The following TTLL4 variants were observed in gnomAD, a reference collection of about 807,000 sequenced individuals.
TTLL4 encodes tubulin tyrosine ligase like 4, also known as tubulin monoglutamylase TTLL4.
A neutral mutation model predicts 122.7 loss-of-function variants in TTLL4; 85 were observed. The ratio of observed to expected loss-of-function variants is 0.69; its 90% CI spans 0.58 to 0.83. The LOEUF (loss-of-function observed/expected upper bound fraction) is 0.83, where lower values mean the gene tolerates loss of function less well. Among genes scored for constraint, TTLL4 ranks in the 40% least tolerant of loss-of-function variants. The pLI, the probability that TTLL4 is intolerant of heterozygous loss-of-function variation, is 0.00. For missense variants in TTLL4, 1,363 were observed against 1,488.6 expected (o/e 0.92, Z 1.39); for synonymous variants, 553 against 563.0 (o/e 0.98, Z 0.25).
chr2:218,751,746 G>A lies in TTLL4; in HGVS notation c.2916G>A (p.Glu972=), dbSNP rs1559375279. 1 of 1,613,746 alleles carries A rather than the reference G, an allele frequency of 6.2e-7. No homozygotes were observed. The highest frequency in any genetic ancestry group is 2.2e-5 in the East Asian group (1 of 44,870). Residue 972 remains glutamate (E), a synonymous_variant, in exon 16 of 20, where the codon GAG becomes GAA. Transcript: ENST00000392102. ...SPGDKCRMAP[E]HVTAQKMKKA... is the part of the protein sequence containing the mutation. ...GGGACAAATGTCGAATGGCTCCAGA[G>A]CATGTCACTGCACAGAAGATGAAGA...
At chr2:218,733,541 T>G (rs2106423057) in intron 2 of TTLL4, among the ~76,000 whole-genome samples, 1 of 152,278 alleles carries the variant, frequency 6.6e-6, no homozygotes, top group South Asian at 2.1e-4. Flanking sequence ...ACATGAGATT[T>G]GGTGGGGACA....
intron 6 of TTLL4, 87 bp downstream of exon 6, chr2:218,745,320 G>A: frequency 6.4e-7 from 1 of 1,571,932 alleles, no homozygotes. Flanking sequence ...GTAGGTAGGA[G>A]AGGGTTTCCA....
rs765496975 is a variant in TTLL4 at position 218,753,567 on chromosome 2, G to A, written c.3259-17G>A. Reference sequence around the variant, plus strand: ...CTCCGCCAAGCCTTTTGGTCTCATTGCTTCCTTTGCTCTTAGTGGTCTCTC... The same window carrying A: ...CTCCGCCAAGCCTTTTGGTCTCATTACTTCCTTTGCTCTTAGTGGTCTCTC... On this transcript the variant is annotated splice_polypyrimidine_tract_variant and intron_variant, in intron 18 of 19. Transcript: ENST00000392102. 5 of 1,613,738 alleles carry A rather than the reference G, an allele frequency of 3.1e-6. No homozygotes were observed. Among genetic ancestry groups the A allele is most frequent in the Non-Finnish European group, 4.2e-6 (5 of 1,179,838 alleles).
At chr2:218,742,687 A>T (rs1437990375) in intron 5 of TTLL4, among the ~76,000 whole-genome samples, 1 of 152,170 alleles carries the variant, frequency 6.6e-6, no homozygotes, top group African/African-American at 2.4e-5. Flanking sequence ...ATATTGAGAT[A>T]ATTATAGATT....
chr2:218,732,820 G>C (rs1000884031), intron 2 of TTLL4, among the ~76,000 whole-genome samples: 1 of 152,174 alleles, frequency 6.6e-6, no homozygotes, highest in African/African-American at 2.4e-5. Flanking sequence ...TTGAGGTTTT[G>C]ATCTCATCAG....
chr2:218,751,869 CA>C, intron 16 of TTLL4, 63 bp downstream of exon 16: 1 of 1,020,116 alleles, frequency 9.8e-7, no homozygotes, highest in Non-Finnish European at 1.4e-6. Flanking sequence ...ATTTGGGACC[CA>C]AAAGCAAACA....
chr2:218,713,605 C>T (rs2106381917), intron 1 of TTLL4, among the ~76,000 whole-genome samples: 1 of 152,220 alleles, frequency 6.6e-6, no homozygotes, highest in Non-Finnish European at 1.5e-5. Context: ...ATGTAAGGAA[C>T]ACATAGTTTT....
In TTLL4 at chr2:218,738,961, A is replaced by G. The variant is rs1363062679; in HGVS notation, c.1285A>G (p.Ser429Gly). ...ISIHLLASHA[S>G]GLNHNPACES... ...CATTCACCTCCTTGCCTCACATGCC[A>G]GTGGGCTCAATCACAACCCTGCCTG... Residue 429 changes from serine (S) to glycine (G), a missense_variant, in exon 3 of 20, where the codon AGT (serine) becomes GGT (glycine). Physicochemically the swap from Ser to Gly is moderately conservative, Grantham distance 56. Transcript: ENST00000392102. 1 of 1,614,082 alleles carries G rather than the reference A, an allele frequency of 6.2e-7. No homozygotes were observed. Among genetic ancestry groups the G allele is most frequent in the Non-Finnish European group, 8.5e-7 (1 of 1,180,040 alleles).
intron 2 of TTLL4, among the ~76,000 whole-genome samples, chr2:218,733,689 C>G (rs1261200573): frequency 6.6e-6 from 1 of 152,178 alleles, no homozygotes; most frequent in Non-Finnish European, 1.5e-5. Flanking sequence ...TTGTTTAACA[C>G]TTTGTCTGGG....
intron 16 of TTLL4, among the ~76,000 whole-genome samples, chr2:218,752,190 G>A (rs1355744667): frequency 6.6e-6 from 1 of 152,192 alleles, no homozygotes; most frequent in Non-Finnish European, 1.5e-5. Flanking sequence ...TTACAGGCGT[G>A]AGCCACCACG....
intron 2 of TTLL4, among the ~76,000 whole-genome samples, chr2:218,732,747 T>C (rs1019058498): frequency 7.2e-5 from 11 of 152,202 alleles, no homozygotes; most frequent in African/African-American, 2.7e-4. Flanking sequence ...CCTGTGGCAG[T>C]GATTGGGGGT....
At chr2:218,752,686 G>A in intron 16 of TTLL4, 77 bp from the exon 17 acceptor site, 1 of 1,534,882 alleles carries the variant, frequency 6.5e-7, no homozygotes, top group Non-Finnish European at 9.0e-7. Context: ...TGTGCTCCCT[G>A]TTCCCCAGCT....
intron 2 of TTLL4, among the ~76,000 whole-genome samples, chr2:218,733,768 T>A (rs952574876): frequency 6.6e-6 from 1 of 152,222 alleles, no homozygotes; most frequent in African/African-American, 2.4e-5. Flanking sequence ...TCTTTTGGAT[T>A]AAAAGCCAAG....
At chr2:218,718,093 A>G (rs1418120851) in intron 1 of TTLL4, among the ~76,000 whole-genome samples, 1 of 152,184 alleles carries the variant, frequency 6.6e-6, no homozygotes, top group Non-Finnish European at 1.5e-5. Flanking sequence ...TCTATCTTCT[A>G]ACATAACTGT....
At chr2:218,742,128 T>TA (rs1344671947) in intron 5 of TTLL4, among the ~76,000 whole-genome samples, 1 of 151,920 alleles carries the variant, frequency 6.6e-6, no homozygotes, top group Non-Finnish European at 1.5e-5. Context: ...CCCAGCTAAT[T>TA]AAAAAAAATT....
chr2:218,736,734 G>A (rs1942535186), intron 2 of TTLL4, among the ~76,000 whole-genome samples: 1 of 152,136 alleles, frequency 6.6e-6, no homozygotes, highest in Admixed American at 6.6e-5. Context: ...GATCAGCAAG[G>A]GAATTCTCTT....
At chr2:218,725,510 C>G (rs1435077774) in intron 1 of TTLL4, among the ~76,000 whole-genome samples, 1 of 152,108 alleles carries the variant, frequency 6.6e-6, no homozygotes, top group African/African-American at 2.4e-5. Flanking sequence ...TTAACTCTGT[C>G]CTCCATGCGT....
Position 218,754,515 on chromosome 2 carries a change from T to G in TTLL4, c.*126T>G. 1 of 1,305,756 alleles carries G rather than the reference T, an allele frequency of 7.7e-7. No homozygotes were observed. Among genetic ancestry groups the G allele is most frequent in the Non-Finnish European group, 1.0e-6 (1 of 956,848 alleles). 80.9% of individuals were successfully genotyped at this position (1,305,756 alleles called of 1,614,324 possible). On this transcript the variant is annotated 3_prime_UTR_variant, in exon 20 of 20. Coordinates refer to ENST00000392102, the MANE Select transcript of TTLL4 (RefSeq NM_014640.5). ...CCCTGTCCCTCCTCAGAGTATTTTT[T>G]GAAGTGGTTGCATTATAGAGATGGG...
In TTLL4 at chr2:218,738,920, G is replaced by T; in HGVS notation, c.1244G>T (p.Cys415Phe). The T allele has an allele frequency of 6.2e-7, 1 of 1,614,200 alleles. No individual in the cohort carries two copies. The highest frequency in any genetic ancestry group is 1.1e-5 in the South Asian group (1 of 91,086). The change falls in exon 3 of 20, where the codon TGT becomes TTT. Residue 415 changes from cysteine (C) to phenylalanine (F), a missense_variant. By Grantham distance (205) the Cys-to-Phe change is radical. Coordinates refer to ENST00000392102, the MANE Select transcript of TTLL4 (RefSeq NM_014640.5). ...TTGGGGTTGGACAATACAGTCTTCT[G>T]TACCAAGCGTATCAGCATTCACCTC... ...DTLGLDNTVF[C>F]TKRISIHLLA...
Sources: gnomAD v4.1 joint callset for allele counts (sites outside exome capture counted in the v4.1 genomes callset) on GRCh38, gnomAD v4.1.1 for gene constraint, MANE v1.5 for transcripts, NCBI Gene and HGNC (gene_info 2026-07-23, HGNC 2026-07-21) for gene names.